ZNF726: variants seen among roughly 807,000 people sequenced by gnomAD.
The protein encoded by ZNF726 is zinc finger protein 92 pseudogene 3.
In ZNF726, 15 loss-of-function variants were observed where a neutral mutation model predicts 11.6. The observed-to-expected ratio is 1.29, with a 90% CI of 0.86 to 1.99. The LOEUF (loss-of-function observed/expected upper bound fraction) is 1.99, where lower values mean the gene tolerates loss of function less well. ZNF726 is among the 30% of genes most tolerant of loss of function. The pLI is 0.00. For missense variants in ZNF726, 890 were observed against 725.6 expected (o/e 1.23, Z -2.60); for synonymous variants, 295 against 243.6 (o/e 1.21, Z -1.96).
downstream of ZNF726, among the ~76,000 whole-genome samples, chr19:23,937,597 A>G (rs1468701335): frequency 3.6e-5 from 5 of 140,076 alleles, no homozygotes; most frequent in East Asian, 4.3e-4. Context: ...GGCGGCCGGG[A>G]AGAGGCGCTC....
At chr19:23,926,140 TTGAAG>T (rs1343017887) in intron 3 of ZNF726, among the ~76,000 whole-genome samples, 1 of 152,182 alleles carries the variant, frequency 6.6e-6, no homozygotes, top group East Asian at 1.9e-4. Flanking sequence ...TGCAGAAATG[TTGAAG>T]TGTAGTGTAG....
chr19:23,942,698 T>TTA (rs1968358058), intron 3 of ZNF726, among the ~76,000 whole-genome samples: 1 of 152,206 alleles, frequency 6.6e-6, no homozygotes, highest in Admixed American at 6.5e-5. Context: ...ATCAGGCCAC[T>TTA]TACGATTATA....
Position 23,933,861 on chromosome 19 carries a change from C to T in ZNF726, c.1745C>T (p.Thr582Met), listed in dbSNP as rs753342187. 4.5e-5 allele frequency: 72 copies of T among 1,589,780 alleles called. No homozygotes were observed. Among genetic ancestry groups the T allele is most frequent in the Admixed American group, 1.8e-4 (10 of 56,118 alleles). ...TTTAATCGATCCTCAAATCTTAGTACGCATAAGATAATTCATACTGGAGAG... is the reference window on the plus strand; with the variant it reads ...TTTAATCGATCCTCAAATCTTAGTATGCATAAGATAATTCATACTGGAGAG... ...KAFNRSSNLS[T>M]HKIIHTGEKP... Residue 582 changes from threonine (T) to methionine (M), a missense_variant, in exon 4 of 4, where the codon ACG (threonine) becomes ATG (methionine). Physicochemically the swap from Thr to Met is moderately conservative, Grantham distance 81. Coordinates refer to ENST00000594466, the MANE Select transcript of ZNF726 (RefSeq NM_001244038.2).
chr19:23,924,217 A>T (rs1354561061), intron 3 of ZNF726, among the ~76,000 whole-genome samples: 38 of 137,768 alleles, frequency 2.8e-4, no homozygotes, highest in Admixed American at 9.5e-4. Context: ...CTAATTTTGT[A>T]TTTTTTTTTT....
intron 3 of ZNF726, among the ~76,000 whole-genome samples, chr19:23,926,569 C>CAA (rs76766569): frequency 4.4e-5 from 5 of 114,284 alleles, no homozygotes; most frequent in Non-Finnish European, 5.5e-5. Context: ...GACTCTGTTC[C>CAA]AAAAAAAAAA....
At chr19:23,926,558 A>AGTT (rs1042242235) in intron 3 of ZNF726, among the ~76,000 whole-genome samples, 2 of 133,876 alleles carry the variant, frequency 1.5e-5, no homozygotes, top group African/African-American at 5.8e-5. Flanking sequence ...CAACAGAGCA[A>AGTT]GACTCTGTTC....
chr19:23,940,156 G>T (rs1968315731), intron 3 of ZNF726, among the ~76,000 whole-genome samples: 1 of 151,964 alleles, frequency 6.6e-6, no homozygotes. Flanking sequence ...CAGGTCTTAG[G>T]TTTAAGTCCT....
At chr19:23,921,662 CTATTT>C (rs1336359169) in intron 3 of ZNF726, 3 of 151,944 alleles carry the variant, frequency 2.0e-5, no homozygotes, top group Admixed American at 1.3e-4. Flanking sequence ...GTTTTTTCCT[CTATTT>C]TATCAGAGAG....
rs1968151159 is a variant in ZNF726, at chr19:23,933,092, T to C, written c.976T>C (p.Ser326Pro). Residue 326 changes from serine to proline, a missense_variant, in exon 4 of 4, where the codon TCA becomes CCA. Ser to Pro is a moderately conservative substitution (Grantham distance 74). Transcript: ENST00000594466. ...ATGTGGCAAAGCATTTGTTTGGTCC[T>C]CAACCCTAACTAGACATAAGAGGCT... ...EECGKAFVWS[S>P]TLTRHKRLHS... is the part of the protein sequence containing the mutation. The C allele has an allele frequency of 6.2e-7, 1 of 1,612,016 alleles. No individual in the cohort carries two copies. Among genetic ancestry groups the C allele is most frequent in the African/African-American group, 1.4e-5 (1 of 73,494 alleles).
At chr19:23,917,654 C>T (rs964921093) in intron 1 of ZNF726, among the ~76,000 whole-genome samples, 1 of 151,898 alleles carries the variant, frequency 6.6e-6, no homozygotes, top group Non-Finnish European at 1.5e-5. Flanking sequence ...TATTCTGTAT[C>T]CTTTTTTGTT....
At chr19:23,943,191 T>C (rs1425873851) in intron 3 of ZNF726, among the ~76,000 whole-genome samples, 1 of 152,196 alleles carries the variant, frequency 6.6e-6, no homozygotes, top group African/African-American at 2.4e-5. Flanking sequence ...CAGCTAATTT[T>C]TGTATATTTA....
chr19:23,919,498 G>T lies in ZNF726; in HGVS notation c.129G>T (p.Leu43=). The T allele has an allele frequency of 6.3e-7, 1 of 1,593,354 alleles. No individual in the cohort carries two copies. Residue 43 remains leucine, a splice_region_variant and synonymous_variant, in exon 2 of 4, where the codon CTG becomes CTT. Transcript: ENST00000594466. ...AGAACTACAGAAACCTGGCCTTCCT[G>T]GGTGAGGATAACTTTAATACAAAAT... is the stretch of plus-strand genomic sequence containing the variant. ...MLENYRNLAF[L]GIAVSKPDLI... is the part of the protein sequence containing the mutation.
chr19:23,939,171 C>T (rs1194442817), downstream of ZNF726, among the ~76,000 whole-genome samples: 4 of 151,012 alleles, frequency 2.6e-5, no homozygotes, highest in African/African-American at 9.8e-5. Flanking sequence ...ATTCTTATAC[C>T]TTTGCATTCT....
At chr19:23,927,842 A>G (rs950761674) in intron 3 of ZNF726, 5 of 152,180 alleles carry the variant, frequency 3.3e-5, no homozygotes, top group Non-Finnish European at 5.9e-5. Flanking sequence ...AGCTGCAAAT[A>G]AGAATATTGT....
At chr19:23,916,247 C>G (rs912874164) in intron 1 of ZNF726, among the ~76,000 whole-genome samples, 3 of 152,108 alleles carry the variant, frequency 2.0e-5, no homozygotes, top group African/African-American at 7.2e-5. Context: ...TTGCCAAATG[C>G]CAGTTTCTCC....
At chr19:23,931,699 G>A (rs1024595763) in intron 3 of ZNF726, among the ~76,000 whole-genome samples, 1 of 152,090 alleles carries the variant, frequency 6.6e-6, no homozygotes, top group Non-Finnish European at 1.5e-5. Flanking sequence ...CATATTCTTA[G>A]GACCTGTATT....
At position 23,919,986 on chromosome 19, in the gene ZNF726, G is replaced by A. The variant is rs1453118934; in HGVS notation, c.131-1G>A. The A allele has an allele frequency of 1.3e-6, 2 of 1,566,240 alleles. No homozygotes were observed. Among genetic ancestry groups the A allele is most frequent in the South Asian group, 1.1e-5 (1 of 89,042 alleles). On this transcript the variant is annotated splice_acceptor_variant, in intron 2 of 3. Coordinates refer to ENST00000594466, the MANE Select transcript of ZNF726 (RefSeq NM_001244038.2). LOFTEE classifies it high-confidence loss of function. ...CATGTTAATTATTTTTAATAAAACA[G>A]GTATTGCTGTCTCTAAGCCAGACCT...
intron 3 of ZNF726, among the ~76,000 whole-genome samples, chr19:23,931,280 C>T (rs1460588235): frequency 1.3e-5 from 2 of 152,198 alleles, no homozygotes; most frequent in African/African-American, 2.4e-5. Context: ...GCCAAAACCG[C>T]AACTGAGCTT....
downstream of ZNF726, among the ~76,000 whole-genome samples, chr19:23,938,034 C>T (rs1968275479): frequency 6.6e-6 from 1 of 152,148 alleles, no homozygotes; most frequent in South Asian, 2.1e-4. Context: ...CTAACTTTAA[C>T]CTATTCCACC....
Sources: allele counts gnomAD v4.1 joint callset (sites outside exome capture counted in the v4.1 genomes callset), GRCh38; gene constraint gnomAD v4.1.1; transcripts MANE v1.5; gene names NCBI Gene and HGNC (gene_info 2026-07-23, HGNC 2026-07-21).